PUDP: variants seen among roughly 807,000 people sequenced by gnomAD.
PUDP encodes the protein pseudouridine 5'-phosphatase.
PUDP carries 8 observed loss-of-function variants against 9.4 expected under a neutral mutation model. That is an observed-to-expected ratio of 0.85 (90% confidence interval 0.50 to 1.53). The LOEUF (loss-of-function observed/expected upper bound fraction) is 1.53, where lower values mean the gene tolerates loss of function less well. Among genes scored for constraint, PUDP ranks in the 40% most tolerant of loss-of-function variants. The probability of loss-of-function intolerance (pLI) is 0.00; values close to 1 mark genes in which losing one functional copy is unlikely to be tolerated. For missense variants in PUDP, 188 were observed against 189.7 expected (o/e 0.99, Z 0.05); for synonymous variants, 99 against 80.7 (o/e 1.23, Z -1.22).
intron 3 of PUDP, among the ~76,000 whole-genome samples, chrX:6,927,769 G>T (rs948580005): frequency 9.0e-6 from 1 of 111,532 alleles, no homozygotes; most frequent in Non-Finnish European, 1.9e-5. Flanking sequence ...TACCATCTGA[G>T]GTTACAGAAA....
Position 7,113,781 on chromosome X carries a change from C to T in PUDP, c.62-7943G>A, listed in dbSNP as rs763879982. Among the ~76,000 whole-genome samples the T allele has an allele frequency of 2.2e-4, 25 of 112,184 alleles. No individual in the cohort carries two copies. In the South Asian group the frequency reaches 3.0e-3, roughly 13 times the overall value. ...ACCTTGATTCTCGAAATGAGGTCCC[C>T]GGACCAGCAGCATCAGTATGAAGTG... On this transcript the variant is annotated intron_variant, in intron 1 of 3. Coordinates refer to ENST00000381077, the MANE Select transcript of PUDP (RefSeq NM_012080.5).
intron 3 of PUDP, among the ~76,000 whole-genome samples, chrX:6,835,978 C>T (rs1222664011): frequency 4.5e-5 from 5 of 110,676 alleles, no homozygotes; most frequent in African/African-American, 6.6e-5. Context: ...CTCGGCCTCC[C>T]GAAGTGCTGG....
chrX:6,821,302 C>T (rs1445323966), intron 3 of PUDP, among the ~76,000 whole-genome samples: 1 of 111,410 alleles, frequency 9.0e-6, no homozygotes, highest in Non-Finnish European at 1.9e-5. Context: ...ACAGCCTGTG[C>T]GTGGGGCTCA....
At chrX:6,992,968 C>T (rs1238421640) in intron 1 of PUDP, among the ~76,000 whole-genome samples, 2 of 111,748 alleles carry the variant, frequency 1.8e-5, no homozygotes, top group Non-Finnish European at 3.8e-5. Context: ...CCTTGAACAT[C>T]AGACTCCAAG....
intron 1 of PUDP, among the ~76,000 whole-genome samples, chrX:7,015,255 C>T (rs1929531766): frequency 8.9e-6 from 1 of 111,763 alleles, no homozygotes; most frequent in South Asian, 3.8e-4. Context: ...CAGGGGAAAC[C>T]GTCCATTTTT....
At chrX:6,738,838 G>T (rs1261844298) in intron 3 of PUDP, among the ~76,000 whole-genome samples, 1 of 112,026 alleles carries the variant, frequency 8.9e-6, no homozygotes, top group Non-Finnish European at 1.9e-5. Flanking sequence ...CAGGGAATTT[G>T]ATTACTGCAT....
At chrX:6,857,399 C>T (rs1030672919) in intron 3 of PUDP, among the ~76,000 whole-genome samples, 4 of 112,248 alleles carry the variant, frequency 3.6e-5, no homozygotes, top group Non-Finnish European at 7.5e-5. Flanking sequence ...TTTAAATGCA[C>T]CTGTTAAATA....
intron 3 of PUDP, among the ~76,000 whole-genome samples, chrX:6,929,131 T>G (rs981181559): frequency 4.5e-5 from 5 of 112,131 alleles, no homozygotes; most frequent in South Asian, 3.7e-4. Flanking sequence ...ATTTCCAGAT[T>G]CAGCAAATAA....
intron 1 of PUDP, among the ~76,000 whole-genome samples, chrX:7,131,217 C>T (rs1461741611): frequency 8.9e-6 from 1 of 112,117 alleles, no homozygotes. Flanking sequence ...TCCCTCTATG[C>T]CCAGCTGTCA....
chrX:7,057,493 T>G, intron 3 of PUDP: 1 of 486,344 alleles, frequency 2.1e-6, no homozygotes, highest in Non-Finnish European at 3.2e-6. Context: ...GAGGAAAAAC[T>G]GAGAAGCAAT....
At chrX:6,930,144 G>A (rs192419680) in intron 3 of PUDP, among the ~76,000 whole-genome samples, 2 of 110,797 alleles carry the variant, frequency 1.8e-5, no homozygotes, top group South Asian at 3.9e-4. Context: ...AGACAAGGTG[G>A]GGGGGTGTTG....
Position 6,978,817 on chromosome X carries a change from G to A in PUDP, c.205-474C>T, listed in dbSNP as rs750936954. 2.7e-5 allele frequency among the ~76,000 whole-genome samples: 3 copies of A among 111,892 alleles called. No individual in the cohort carries two copies. In the East Asian group the frequency reaches 8.5e-4, roughly 32 times the overall value. On this transcript the variant is annotated intron_variant and NMD_transcript_variant, in intron 1 of 3. Transcript: ENST00000655425. ...AGTGTGAATTGTATTCTACAATCTT[G>A]CTTTCTTGTCTCTTGATAAAACTGC...
chrX:6,826,486 T>G (rs186738383), intron 3 of PUDP, among the ~76,000 whole-genome samples: 3 of 111,745 alleles, frequency 2.7e-5, no homozygotes, highest in African/African-American at 9.7e-5. Flanking sequence ...TGCTCTTATT[T>G]AATAGTAGCT....
At chrX:7,062,013 T>C (rs1405247254) in intron 3 of PUDP, among the ~76,000 whole-genome samples, 1 of 112,389 alleles carries the variant, frequency 8.9e-6, no homozygotes, top group Non-Finnish European at 1.9e-5. Flanking sequence ...AGCCAGGATA[T>C]TGATAAACTG....
chrX:6,963,284 A>G (rs1017570261), intron 3 of PUDP, among the ~76,000 whole-genome samples: 1 of 111,688 alleles, frequency 9.0e-6, no homozygotes, highest in Admixed American at 9.6e-5. Flanking sequence ...ATGTGGTCAC[A>G]TGGGCACAGC....
At chrX:6,790,707 C>T (rs1160697862) in intron 3 of PUDP, among the ~76,000 whole-genome samples, 1 of 112,558 alleles carries the variant, frequency 8.9e-6, no homozygotes, top group Admixed American at 9.4e-5. Context: ...TATAACTCCA[C>T]TTATGTGCTA....
intron 1 of PUDP, among the ~76,000 whole-genome samples, chrX:7,021,676 T>C (rs997272775): frequency 2.7e-5 from 3 of 112,041 alleles, no homozygotes; most frequent in Middle Eastern, 4.6e-3. Context: ...TCCATATGCG[T>C]ATGTCAAAAC....
At chrX:6,708,067 C>T (rs5989548) in intron 1 of PUDP, among the ~76,000 whole-genome samples, 31,113 of 110,617 alleles carry the variant, frequency 0.28, 3,566 homozygotes, top group Non-Finnish European at 0.36. Context: ...GCACTTCCCA[C>T]CCTAACCCCC....
At chrX:6,892,343 C>T (rs1297413476) in intron 3 of PUDP, among the ~76,000 whole-genome samples, 1 of 110,978 alleles carries the variant, frequency 9.0e-6, no homozygotes, top group African/African-American at 3.3e-5. Flanking sequence ...TAAAATCATA[C>T]CCGAGACTTG....
Sources: gnomAD v4.1 joint callset for allele counts (sites outside exome capture counted in the v4.1 genomes callset) on GRCh38, gnomAD v4.1.1 for gene constraint, MANE v1.5 for transcripts, NCBI Gene and HGNC (gene_info 2026-07-23, HGNC 2026-07-21) for gene names.